MEIOC: variants seen among roughly 807,000 people sequenced by gnomAD.
MEIOC encodes the protein meiosis specific with coiled-coil domain.
MEIOC carries 9 observed loss-of-function variants against 85.3 expected under a neutral mutation model. The ratio of observed to expected loss-of-function variants is 0.11; its 90% CI spans 0.06 to 0.18. The LOEUF (loss-of-function observed/expected upper bound fraction) is 0.18, where lower values mean the gene tolerates loss of function less well. Among genes scored for constraint, MEIOC ranks in the 10% least tolerant of loss-of-function variants. The probability of loss-of-function intolerance (pLI) is 1.00; values close to 1 mark genes in which losing one functional copy is unlikely to be tolerated. For missense variants in MEIOC, 898 were observed against 1,129.4 expected (o/e 0.80, Z 2.94); for synonymous variants, 365 against 393.7 (o/e 0.93, Z 0.86).
chr17:44,660,903 G>A (rs1971833221), intron 2 of MEIOC, among the ~76,000 whole-genome samples: 1 of 150,924 alleles, frequency 6.6e-6, no homozygotes, highest in Non-Finnish European at 1.5e-5. Context: ...GACCAGCCTG[G>A]GCAACACAGT....
chr17:44,664,206 A>C (rs1971877091), intron 3 of MEIOC, among the ~76,000 whole-genome samples: 1 of 151,898 alleles, frequency 6.6e-6, no homozygotes, highest in African/African-American at 2.4e-5. Context: ...GAAAATACAA[A>C]AAAAAATTAG....
rs928730787 is a variant in MEIOC, at chr17:44,675,512, TA to T, written c.*1327del. ...TTCTTAGTTTTAGAAATTCTGGTAT[TA>T]AAAAAAAAAAGAGTGTAATCATACC... On this transcript the variant is annotated 3_prime_UTR_variant, in exon 8 of 8. Transcript: ENST00000409122. The T allele has an allele frequency of 0.038, 24,274 of 640,954 alleles. 5 individuals are homozygous for T. Among genetic ancestry groups the T allele is most frequent in the Non-Finnish European group, 0.041 (21,461 of 518,522 alleles). 39.7% of individuals were successfully genotyped at this position (640,954 alleles called of 1,614,324 possible).
At position 44,674,338 on chromosome 17, in the gene MEIOC, C is replaced by A; in HGVS notation, c.*142C>A. 2 of 1,410,548 alleles carry A rather than the reference C, an allele frequency of 1.4e-6. No individual in the cohort carries two copies. Among genetic ancestry groups the A allele is most frequent in the South Asian group, 1.6e-5 (1 of 61,154 alleles). The allele number at this position is 1,410,548 out of a possible 1,614,324, so 87.4% of individuals were successfully genotyped here. ...CCAGTACCTTAATGAAGTCTAACTT[C>A]TATTTAAAAATCTTCTATTTGAAGT... On this transcript the variant is annotated 3_prime_UTR_variant, in exon 8 of 8. Transcript: ENST00000409122.
intron 5 of MEIOC, among the ~76,000 whole-genome samples, 179 bp downstream of exon 5, chr17:44,668,412 G>C (rs1342901989): frequency 6.6e-6 from 1 of 152,142 alleles, no homozygotes; most frequent in Non-Finnish European, 1.5e-5. Context: ...CAGAATCATA[G>C]TTTACTGTAA....
At position 44,675,422 on chromosome 17, in the gene MEIOC, G is replaced by A. The variant is rs1972062173; in HGVS notation, c.*1226G>A. 1.0e-6 allele frequency: 1 copy of A among 970,336 alleles called. No individual in the cohort carries two copies. The highest frequency in any genetic ancestry group is 1.8e-5 in the African/African-American group (1 of 56,832). 60.1% of individuals were successfully genotyped at this position (970,336 alleles called of 1,614,324 possible). The stretch of plus-strand genomic sequence containing the variant: ...TTTCTAGCATGAGTTAAACTATAAT[G>A]TACTGATGAAATTTAATTGAAATAT... On this transcript the variant is annotated 3_prime_UTR_variant, in exon 8 of 8. Coordinates refer to ENST00000409122, the MANE Select transcript of MEIOC (RefSeq NM_001145080.3).
At chr17:44,670,262 C>CAAAAAAAAAA (rs372859968) in intron 6 of MEIOC, 2 of 106,488 alleles carry the variant, frequency 1.9e-5, no homozygotes, top group Admixed American at 1.2e-4. Context: ...GATCTTGTCT[C>CAAAAAAAAAA]AAAAAAAAAA....
chr17:44,657,711 G>T (rs1395515723), intron 2 of MEIOC, among the ~76,000 whole-genome samples: 1 of 151,792 alleles, frequency 6.6e-6, no homozygotes, highest in Non-Finnish European at 1.5e-5. Context: ...GCGCCACCAC[G>T]CCTGGCTAAT....
At chr17:44,668,265 G>A (rs1255215989) in intron 5 of MEIOC, 32 bp downstream of exon 5, 1 of 1,537,806 alleles carries the variant, frequency 6.5e-7, no homozygotes, top group Admixed American at 2.0e-5. Context: ...AGGAATAACA[G>A]TATGTTCCTT....
At chr17:44,676,154 T>C (rs1177136536), downstream of MEIOC, 1 of 152,244 alleles carries the variant, frequency 6.6e-6, no homozygotes, top group Non-Finnish European at 1.5e-5. Context: ...ACCCAATAGA[T>C]AATTTTTAAA....
downstream of MEIOC, chr17:44,676,070 C>G (rs1210445895): frequency 6.6e-6 from 1 of 152,066 alleles, no homozygotes; most frequent in Non-Finnish European, 1.5e-5. Flanking sequence ...TGATACTGGT[C>G]AGAAATGAAA....
At chr17:44,671,763 G>A (rs1972015077) in intron 6 of MEIOC, among the ~76,000 whole-genome samples, 1 of 151,754 alleles carries the variant, frequency 6.6e-6, no homozygotes, top group African/African-American at 2.4e-5. Flanking sequence ...AAAATTAGCC[G>A]AGCATGGTGG....
chr17:44,665,891 G>A (rs1971896414), intron 4 of MEIOC, among the ~76,000 whole-genome samples: 1 of 151,912 alleles, frequency 6.6e-6, no homozygotes, highest in Non-Finnish European at 1.5e-5. Flanking sequence ...TTGTTTTATT[G>A]AAGTGTGGAA....
At chr17:44,672,446 CTTA>C (rs1972027073) in intron 6 of MEIOC, among the ~76,000 whole-genome samples, 1 of 152,218 alleles carries the variant, frequency 6.6e-6, no homozygotes, top group African/African-American at 2.4e-5. Flanking sequence ...ACGGAATAGA[CTTA>C]TTATGAAGAA....
Position 44,674,457 on chromosome 17 carries a change from C to G in MEIOC, c.*261C>G, listed in dbSNP as rs1972049418. 8.5e-7 allele frequency: 1 copy of G among 1,180,038 alleles called. No homozygotes were observed. The allele number at this position is 1,180,038 out of a possible 1,614,324, so 73.1% of individuals were successfully genotyped here. A position where few individuals can be genotyped will look rare whatever the true frequency, so the allele number is the denominator to read the frequency against. On this transcript the variant is annotated 3_prime_UTR_variant, in exon 8 of 8. Coordinates refer to ENST00000409122, the MANE Select transcript of MEIOC (RefSeq NM_001145080.3). ...ACAAGTTTAAGTAAATTAAATATTTCCTAACAGCTAAAATGTGCTTAAACT... is the reference window on the plus strand; with the variant it reads ...ACAAGTTTAAGTAAATTAAATATTTGCTAACAGCTAAAATGTGCTTAAACT...
At position 44,669,049 on chromosome 17, in the gene MEIOC, A is replaced by C. The variant is rs574342735; in HGVS notation, c.2323-334A>C. Among the ~76,000 whole-genome samples, 11 of 152,288 alleles carry C rather than the reference A, an allele frequency of 7.2e-5. No homozygotes were observed. In the East Asian group the frequency reaches 2.1e-3, roughly 29 times the overall value. ...AAACCCAGTCTCTACTAAAAATACAAAAAATTAGCCAGGCGTGGTGGCAGG... is the reference window on the plus strand; with the variant it reads ...AAACCCAGTCTCTACTAAAAATACACAAAATTAGCCAGGCGTGGTGGCAGG... On this transcript the variant is annotated intron_variant, in intron 5 of 7. Coordinates refer to ENST00000409122, the MANE Select transcript of MEIOC (RefSeq NM_001145080.3).
At chr17:44,673,212 T>C (rs1307816529) in intron 6 of MEIOC, 154 bp from the exon 7 acceptor site, 5 of 485,268 alleles carry the variant, frequency 1.0e-5, no homozygotes, top group African/African-American at 2.0e-5. Flanking sequence ...TCCATTTTTG[T>C]TTCCCCCAGC....
In MEIOC at chr17:44,657,253, A is replaced by G. The variant is rs976611204; in HGVS notation, c.196A>G (p.Thr66Ala). 1 of 1,551,746 alleles carries G rather than the reference A, an allele frequency of 6.4e-7. No individual in the cohort carries two copies. The change falls in exon 2 of 8, where the codon ACA (threonine) becomes GCA (alanine). Residue 66 changes from threonine to alanine, a missense_variant. Thr to Ala is a moderately conservative substitution (Grantham distance 58, BLOSUM62 0). Around this residue, in one of 2 missense-constraint regions of MEIOC, gnomAD observed 734 missense variants for 860.1 expected, o/e 0.85. Transcript: ENST00000409122. ...TGSASFYDCY[T>A]SQSEDNVDLR... Reference sequence around the variant, plus strand: ...CTCCGCTTCCTTCTACGATTGCTACACATCGCAGGTCCTTTAGTAAACTCT... The same window carrying G: ...CTCCGCTTCCTTCTACGATTGCTACGCATCGCAGGTCCTTTAGTAAACTCT...
intron 1 of MEIOC, among the ~76,000 whole-genome samples, chr17:44,656,886 GGGA>G (rs1241933628): frequency 6.6e-6 from 1 of 151,050 alleles, no homozygotes; most frequent in Non-Finnish European, 1.5e-5. Context: ...CGCGATTCCC[GGGA>G]GGCAGCCGTC....
At position 44,661,327 on chromosome 17, in the gene MEIOC, A is replaced by G. The variant is rs181369634; in HGVS notation, c.205-990A>G. On this transcript the variant is annotated intron_variant, in intron 2 of 7. Transcript: ENST00000409122. ...AAAAAAAAAAAAGATACTGTATAAA[A>G]TGTCCTCAAATAGGAGGAAAAAGAC... 2.0e-5 allele frequency among the ~76,000 whole-genome samples: 3 copies of G among 151,510 alleles called. No homozygotes were observed. In the East Asian group the frequency reaches 5.8e-4, roughly 29 times the overall value.
Sources: allele counts gnomAD v4.1 joint callset (sites outside exome capture counted in the v4.1 genomes callset), GRCh38; gene constraint gnomAD v4.1.1; regional missense constraint gnomAD v4.1.1; transcripts MANE v1.5; gene names NCBI Gene and HGNC (gene_info 2026-07-23, HGNC 2026-07-21).